Variants in GCNT2 observed in about 807,000 individuals in gnomAD.
GCNT2 encodes the protein N-acetyllactosaminide beta-1,6-N-acetylglucosaminyl-transferase.
GCNT2 carries 34 observed loss-of-function variants against 34.2 expected under a neutral mutation model. That is an observed-to-expected ratio of 1.00 (90% CI 0.76 to 1.32). The LOEUF is 1.32. Ranked by LOEUF, GCNT2 falls within the 40% of genes most tolerant of loss-of-function variation. GCNT2 has a pLI of 0.00. For missense variants in GCNT2, 584 were observed against 489.4 expected, an observed-to-expected ratio of 1.19 and a Z score of -1.82; for synonymous variants, 212 against 188.0, an observed-to-expected ratio of 1.13 and a Z score of -1.04.
chr6:10,569,959 CCTTCCTTT>C (rs1763480772), intron 3 of GCNT2, among the ~76,000 whole-genome samples: 1 of 150,080 alleles, frequency 6.7e-6, no homozygotes, highest in Non-Finnish European at 1.5e-5. Flanking sequence ...TTCCTTCCTT[CCTTCCTTT>C]CTTTCTCTCT....
chr6:10,610,658 C>A (rs940337266), intron 3 of GCNT2, among the ~76,000 whole-genome samples: 1 of 152,058 alleles, frequency 6.6e-6, no homozygotes, highest in Non-Finnish European at 1.5e-5. Context: ...GCTGAAAACC[C>A]CAAGAATATC....
At chr6:10,552,350 A>G (rs1762522070) in intron 3 of GCNT2, among the ~76,000 whole-genome samples, 1 of 152,020 alleles carries the variant, frequency 6.6e-6, no homozygotes. Context: ...GAGCAGAATT[A>G]CAGTCAGCAC....
In GCNT2 at chr6:10,579,826, CAAAAAAAA is replaced by C. The variant is rs61490868; in HGVS notation, c.926-41510_926-41503del. Among the ~76,000 whole-genome samples the C allele has an allele frequency of 1.1e-3, 99 of 89,914 alleles. 1 individual carries two copies. The highest frequency in any genetic ancestry group is 3.9e-3 in the African/African-American group (81 of 20,878). 59.0% of individuals were successfully genotyped at this position (89,914 alleles called of 152,430 possible). A position where few individuals can be genotyped will look rare whatever the true frequency, so the allele number is the denominator to read the frequency against. ...GCGAGACTCCATCTCAAAAAACAAA[CAAAAAAAA>C]AAAAAAAAAAAAAACAAGTAATAAA... On this transcript the variant is annotated intron_variant, in intron 3 of 4. Coordinates refer to ENST00000495262, the MANE Select transcript of GCNT2 (RefSeq NM_145649.5).
At chr6:10,591,152 C>T (rs749913699) in intron 3 of GCNT2, among the ~76,000 whole-genome samples, 2 of 152,214 alleles carry the variant, frequency 1.3e-5, no homozygotes, top group Non-Finnish European at 2.9e-5. Context: ...ATTTGAGCTC[C>T]TTAAGCATAA....
intron 3 of GCNT2, among the ~76,000 whole-genome samples, chr6:10,599,743 T>C (rs1159615885): frequency 6.6e-6 from 1 of 152,234 alleles, no homozygotes; most frequent in Non-Finnish European, 1.5e-5. Flanking sequence ...TAATAACTGC[T>C]AATCTCATGG....
At chr6:10,542,576 A>G (rs1762083466) in intron 3 of GCNT2, among the ~76,000 whole-genome samples, 1 of 152,192 alleles carries the variant, frequency 6.6e-6, no homozygotes, top group Admixed American at 6.5e-5. Context: ...CCTTTTCTGG[A>G]CATTTCATAT....
intron 3 of GCNT2, among the ~76,000 whole-genome samples, chr6:10,558,403 A>G (rs1762820592): frequency 6.6e-6 from 1 of 152,182 alleles, no homozygotes; most frequent in Non-Finnish European, 1.5e-5. Context: ...GTACCATATT[A>G]TATGTGTAGG....
At position 10,536,650 on chromosome 6, in the gene GCNT2, G is replaced by T. The variant is rs112151346; in HGVS notation, c.925+6814G>T. 2.0e-5 allele frequency among the ~76,000 whole-genome samples: 3 copies of T among 151,364 alleles called. No individual in the cohort carries two copies. The South Asian group carries it at 6.3e-4, about 32-fold the overall frequency. On this transcript the variant is annotated intron_variant, in intron 3 of 4. Transcript: ENST00000495262. ...ATTATAGGCGTGAGCTACCGTGCCCGGTCTCTTGTCAACTTCTAGAAAAGG... is the reference window on the plus strand; with the variant it reads ...ATTATAGGCGTGAGCTACCGTGCCCTGTCTCTTGTCAACTTCTAGAAAAGG...
chr6:10,532,464 C>G (rs1761541950), intron 3 of GCNT2, among the ~76,000 whole-genome samples: 1 of 152,150 alleles, frequency 6.6e-6, no homozygotes, highest in African/African-American at 2.4e-5. Context: ...GGATCTCACT[C>G]TGTCATCCAG....
At chr6:10,566,116 T>C (rs1763271776) in intron 3 of GCNT2, among the ~76,000 whole-genome samples, 1 of 151,786 alleles carries the variant, frequency 6.6e-6, no homozygotes, top group Non-Finnish European at 1.5e-5. Context: ...CCCTGACGCA[T>C]GCAGTCCCTC....
intron 3 of GCNT2, among the ~76,000 whole-genome samples, chr6:10,569,857 TTC>T (rs1205967501): frequency 6.8e-6 from 1 of 146,934 alleles, no homozygotes; most frequent in African/African-American, 2.5e-5. Context: ...TTCTCTTTCT[TTC>T]TCTTTCTTTC....
intron 3 of GCNT2, among the ~76,000 whole-genome samples, chr6:10,537,072 GTTC>G (rs769882045): frequency 1.3e-5 from 2 of 152,256 alleles, no homozygotes; most frequent in East Asian, 3.9e-4. Context: ...CCACCTGTGA[GTTC>G]TTCTCAGGGA....
chr6:10,565,752 G>A (rs1003374535), intron 3 of GCNT2, among the ~76,000 whole-genome samples: 1 of 150,980 alleles, frequency 6.6e-6, no homozygotes, highest in Admixed American at 6.6e-5. Context: ...AGATAGTATC[G>A]CTCCCCCGTG....
chr6:10,551,318 C>T (rs896318747), intron 3 of GCNT2, among the ~76,000 whole-genome samples: 1 of 152,098 alleles, frequency 6.6e-6, no homozygotes, highest in Non-Finnish European at 1.5e-5. Context: ...CCAGCTCACA[C>T]AGAGATGGCA....
chr6:10,556,468 T>A (rs370871813), intron 3 of GCNT2: 3 of 1,614,152 alleles, frequency 1.9e-6, no homozygotes, highest in Non-Finnish European at 2.5e-6. Context: ...CTGTCTCTAG[T>A]GTAATTATTT....
At chr6:10,579,101 G>C (rs1017436552) in intron 3 of GCNT2, among the ~76,000 whole-genome samples, 3 of 151,980 alleles carry the variant, frequency 2.0e-5, no homozygotes, top group Non-Finnish European at 4.4e-5. Flanking sequence ...TATGTTCATT[G>C]GCCATTAGTT....
chr6:10,607,098 C>G (rs915362688), intron 3 of GCNT2, among the ~76,000 whole-genome samples: 6 of 152,066 alleles, frequency 3.9e-5, no homozygotes, highest in African/African-American at 1.4e-4. Context: ...AGGGGTGCAC[C>G]ACCACACCCA....
chr6:10,613,489 C>T (rs919594551), intron 3 of GCNT2, among the ~76,000 whole-genome samples: 2 of 151,952 alleles, frequency 1.3e-5, no homozygotes, highest in Non-Finnish European at 2.9e-5. Flanking sequence ...TCCCAGAGTC[C>T]TGACAAAGAA....
chr6:10,563,227 T>G (rs892243217), intron 3 of GCNT2, among the ~76,000 whole-genome samples: 5 of 152,098 alleles, frequency 3.3e-5, no homozygotes, highest in African/African-American at 1.2e-4. Context: ...TACATATGGG[T>G]GTGTGAGTGG....
Sources: gnomAD v4.1 joint callset for allele counts (sites outside exome capture counted in the v4.1 genomes callset) on GRCh38, gnomAD v4.1.1 for gene constraint, MANE v1.5 for transcripts, NCBI Gene and HGNC (gene_info 2026-07-23, HGNC 2026-07-21) for gene names.